Variants in ESR1 observed in about 807,000 individuals in gnomAD.
The protein encoded by ESR1 is estrogen receptor 1, also known as estrogen receptor.
In ESR1, 12 loss-of-function variants were observed where a neutral mutation model predicts 52.7. The observed-to-expected ratio is 0.23, with a 90% CI of 0.15 to 0.37. The LOEUF is 0.37. Among genes scored for constraint, ESR1 ranks in the 10% least tolerant of loss-of-function variants. The pLI, the probability that ESR1 is intolerant of heterozygous loss-of-function variation, is 1.00. For synonymous variants in ESR1, 305 were observed against 316.8 expected (o/e 0.96, Z 0.39); for missense variants, 584 against 779.7 (o/e 0.75, Z 2.99).
At chr6:152,039,095 C>T (rs967558278) in intron 5 of ESR1, among the ~76,000 whole-genome samples, 3 of 152,194 alleles carry the variant, frequency 2.0e-5, no homozygotes, top group African/African-American at 4.8e-5. Flanking sequence ...TGCAACTCAT[C>T]ACATGGTCGT....
chr6:151,842,850 C>G (rs9340804), intron 2 of ESR1, 63 bp downstream of exon 2: 3 of 1,425,784 alleles, frequency 2.1e-6, no homozygotes, highest in Non-Finnish European at 3.0e-6. Context: ...AGAGCCAAAG[C>G]GACTGAGGAA....
intron 4 of ESR1, among the ~76,000 whole-genome samples, chr6:151,960,527 A>G (rs1383935348): frequency 1.3e-5 from 2 of 152,210 alleles, no homozygotes; most frequent in Non-Finnish European, 2.9e-5. Flanking sequence ...CCTGACAGCA[A>G]GAGCAGTTCT....
chr6:151,998,749 T>A (rs1055413923), intron 4 of ESR1, among the ~76,000 whole-genome samples: 2 of 152,142 alleles, frequency 1.3e-5, no homozygotes, highest in African/African-American at 4.8e-5. Flanking sequence ...CAAGTATTTA[T>A]GTTTAGGATC....
At chr6:151,659,541 A>C (rs1777568300) in intron 1 of ESR1, among the ~76,000 whole-genome samples, 1 of 152,196 alleles carries the variant, frequency 6.6e-6, no homozygotes, top group Admixed American at 6.5e-5. Flanking sequence ...TGGCTAATGA[A>C]TGCTAATGAA....
chr6:152,007,688 A>G (rs1251894405), intron 4 of ESR1, among the ~76,000 whole-genome samples: 1 of 152,074 alleles, frequency 6.6e-6, no homozygotes, highest in Non-Finnish European at 1.5e-5. Context: ...TTCGATATGC[A>G]TTCTGTCCCT....
chr6:151,668,897 C>T (rs1157287813), intron 1 of ESR1, among the ~76,000 whole-genome samples: 1 of 151,882 alleles, frequency 6.6e-6, no homozygotes, highest in Non-Finnish European at 1.5e-5. Flanking sequence ...GGGTGCCATT[C>T]CAGGTAGAGA....
chr6:151,908,125 T>G (rs1277251021), intron 3 of ESR1, among the ~76,000 whole-genome samples: 2 of 152,212 alleles, frequency 1.3e-5, no homozygotes, highest in Non-Finnish European at 2.9e-5. Flanking sequence ...TTTTTAACAA[T>G]GTACATGAAT....
At chr6:151,776,058 T>C (rs1349863995) in intron 2 of ESR1, among the ~76,000 whole-genome samples, 1 of 152,162 alleles carries the variant, frequency 6.6e-6, no homozygotes, top group Admixed American at 6.5e-5. Context: ...AATGGGTGGA[T>C]AATTTTTGTT....
At chr6:151,734,165 A>C (rs962552642) in intron 2 of ESR1, among the ~76,000 whole-genome samples, 3 of 152,156 alleles carry the variant, frequency 2.0e-5, no homozygotes, top group African/African-American at 4.8e-5. Flanking sequence ...AAGAAAGGCA[A>C]AGTTTTATTT....
chr6:151,999,739 T>C (rs2041803475), intron 4 of ESR1, among the ~76,000 whole-genome samples: 1 of 152,134 alleles, frequency 6.6e-6, no homozygotes, highest in African/African-American at 2.4e-5. Flanking sequence ...TGGGAAGTCA[T>C]TGACTTTGAT....
chr6:151,960,205 C>A (rs1007310944), intron 4 of ESR1, among the ~76,000 whole-genome samples: 3 of 152,214 alleles, frequency 2.0e-5, no homozygotes, highest in African/African-American at 7.2e-5. Flanking sequence ...ACTGGACATG[C>A]TATGAGCCCA....
intron 2 of ESR1, among the ~76,000 whole-genome samples, chr6:151,757,842 G>A (rs192242064): frequency 2.6e-4 from 39 of 152,294 alleles, no homozygotes; most frequent in Non-Finnish European, 1.2e-4. Flanking sequence ...GAAAAACTGA[G>A]AGCCAGGAAT....
chr6:151,920,892 T>G (rs1378921212), intron 3 of ESR1, among the ~76,000 whole-genome samples: 4 of 152,204 alleles, frequency 2.6e-5, no homozygotes, highest in African/African-American at 9.6e-5. Flanking sequence ...CATACAGTAC[T>G]TTTTGGAAGA....
chr6:151,930,322 G>A (rs372194439), intron 3 of ESR1, among the ~76,000 whole-genome samples: 9 of 152,178 alleles, frequency 5.9e-5, no homozygotes, highest in African/African-American at 1.4e-4. Flanking sequence ...TAGTGGTGCC[G>A]CTAAAGTTCA....
rs2050958671 is a variant in ESR1, at chr6:152,101,344, T to A, written c.*2378T>A. 1 of 232,568 alleles carries A rather than the reference T, an allele frequency of 4.3e-6. No individual in the cohort carries two copies. Among genetic ancestry groups the A allele is most frequent in the South Asian group, 1.8e-4 (1 of 5,520 alleles). 14.4% of individuals were successfully genotyped at this position (232,568 alleles called of 1,614,324 possible). On this transcript the variant is annotated 3_prime_UTR_variant, in exon 8 of 8. Transcript: ENST00000206249. The stretch of plus-strand genomic sequence containing the variant: ...GTCAGTGGGTTCTTTTTAATGTTTA[T>A]ACTTAGATTTTCTTTTAAAAAAATT...
At chr6:152,011,329 G>A (rs1220809212) in intron 4 of ESR1, among the ~76,000 whole-genome samples, 1 of 152,086 alleles carries the variant, frequency 6.6e-6, no homozygotes, top group Admixed American at 6.6e-5. Context: ...ACAGTCACAG[G>A]TTACTATTAT....
chr6:151,903,166 A>G (rs1162499171), intron 3 of ESR1, among the ~76,000 whole-genome samples: 2 of 152,136 alleles, frequency 1.3e-5, no homozygotes, highest in South Asian at 2.1e-4. Context: ...TTTTATTAGT[A>G]GTGACTTTCC....
intron 1 of ESR1, among the ~76,000 whole-genome samples, chr6:151,812,000 T>G (rs1209915500): frequency 2.0e-5 from 3 of 152,202 alleles, no homozygotes; most frequent in African/African-American, 7.2e-5. Flanking sequence ...GTGATTATAC[T>G]TAGTCTATGA....
chr6:151,944,453 C>A lies in ESR1; in HGVS notation c.1041C>A (p.Thr347=), dbSNP rs1376786591. ...FSEASMMGLL[T]NLADRELVHM... ...AAGCTTCGATGATGGGCTTACTGAC[C>A]AACCTGGCAGACAGGGAGCTGGTTC... Residue 347 remains threonine (T), a synonymous_variant, in exon 4 of 8, where the codon ACC becomes ACA. Transcript: ENST00000206249. The A allele has an allele frequency of 6.2e-7, 1 of 1,614,198 alleles. No individual in the cohort carries two copies. Among genetic ancestry groups the A allele is most frequent in the Admixed American group, 1.7e-5 (1 of 60,030 alleles).
Sources: gnomAD v4.1 joint callset for allele counts (sites outside exome capture counted in the v4.1 genomes callset) on GRCh38, gnomAD v4.1.1 for gene constraint, MANE v1.5 for transcripts, NCBI Gene and HGNC (gene_info 2026-07-23, HGNC 2026-07-21) for gene names.